The following CHM variants were observed in gnomAD, a reference collection of about 807,000 sequenced individuals.
CHM encodes CHM Rab escort protein, also known as rab proteins geranylgeranyltransferase component A 1.
Under a neutral mutation model 49.0 loss-of-function variants are expected in CHM, and 10 were observed. That is an observed-to-expected ratio of 0.20 (90% CI 0.13 to 0.35). The LOEUF is 0.35. CHM is among the 10% of genes least tolerant of loss of function. The pLI is 1.00. For missense variants in CHM, 455 were observed against 478.4 expected (o/e 0.95, Z 0.46); for synonymous variants, 184 against 167.5 (o/e 1.10, Z -0.76).
intron 11 of CHM, among the ~76,000 whole-genome samples, chrX:85,897,164 T>G (rs925501208): frequency 1.6e-3 from 152 of 92,727 alleles, no homozygotes; most frequent in African/African-American, 6.2e-3. Context: ...CATATATATC[T>G]AATATATATA....
chrX:85,868,250 T>C (rs901807878), intron 14 of CHM, among the ~76,000 whole-genome samples: 9 of 110,970 alleles, frequency 8.1e-5, no homozygotes, highest in African/African-American at 2.9e-4. Context: ...GGCTGGGGAG[T>C]GTAGAGCTGT....
intron 2 of CHM, among the ~76,000 whole-genome samples, chrX:86,012,705 A>G (rs1382352686): frequency 9.0e-6 from 1 of 110,594 alleles, no homozygotes; most frequent in African/African-American, 3.3e-5. Flanking sequence ...CTTTTTACCA[A>G]CCCAGAAGTT....
At chrX:85,932,694 TTTA>T (rs1928507421) in intron 8 of CHM, among the ~76,000 whole-genome samples, 1 of 112,069 alleles carries the variant, frequency 8.9e-6, no homozygotes, top group African/African-American at 3.2e-5. Context: ...AACAGCACTT[TTTA>T]TTTCTCCTTT....
Position 85,956,292 on chromosome X carries a change from T to C in CHM, c.1027A>G (p.Met343Val), listed in dbSNP as rs2147663243. The C allele has an allele frequency of 4.1e-6, 5 of 1,211,898 alleles. No individual in the cohort carries two copies. The East Asian group carries it at 8.9e-5, about 21-fold the overall frequency. The change falls in exon 8 of 15, where the codon ATG becomes GTG. Residue 343 changes from methionine (M) to valine (V), a missense_variant. By Grantham distance (21) the Met-to-Val change is conservative. Coordinates refer to ENST00000357749, the MANE Select transcript of CHM (RefSeq NM_000390.4). ...GTGCTGCTGGCTGTCTCTGATGTCA[T>C]TGCAATTGAATGCATGACAATATAT... is the stretch of plus-strand genomic sequence containing the variant. ...LQYIVMHSIA[M>V]TSETASSTID...
chrX:85,975,599 T>C (rs1931210163), intron 4 of CHM, among the ~76,000 whole-genome samples: 1 of 112,222 alleles, frequency 8.9e-6, no homozygotes, highest in Non-Finnish European at 1.9e-5. Context: ...ATTCTTAAAA[T>C]GACAAGATTA....
intron 13 of CHM, among the ~76,000 whole-genome samples, chrX:85,876,720 G>T (rs1924438828): frequency 9.0e-6 from 1 of 111,394 alleles, no homozygotes; most frequent in Non-Finnish European, 1.9e-5. Context: ...GTGCACCTGA[G>T]GACCCTTCTG....
intron 4 of CHM, among the ~76,000 whole-genome samples, chrX:85,973,574 A>G (rs757653020): frequency 1.8e-5 from 2 of 111,589 alleles, no homozygotes; most frequent in East Asian, 5.6e-4. Flanking sequence ...TGATACAAGC[A>G]AATACAGTAA....
chrX:85,965,337 C>T (rs1418367098), intron 4 of CHM, among the ~76,000 whole-genome samples: 2 of 112,152 alleles, frequency 1.8e-5, no homozygotes, highest in Admixed American at 1.9e-4. Flanking sequence ...TTATACCATG[C>T]TCCCATAATA....
At chrX:85,978,990 T>C in intron 3 of CHM, 99 bp from the exon 4 acceptor site, 1 of 918,173 alleles carries the variant, frequency 1.1e-6, no homozygotes, top group Non-Finnish European at 1.5e-6. Flanking sequence ...CATGCTTATT[T>C]CATCTTACCA....
At chrX:85,990,932 A>C (rs1932156806) in intron 2 of CHM, among the ~76,000 whole-genome samples, 1 of 112,167 alleles carries the variant, frequency 8.9e-6, no homozygotes, top group African/African-American at 3.2e-5. Flanking sequence ...TTCTGTAAGC[A>C]AGTCCAAGAA....
chrX:86,015,797 G>A (rs768388639), intron 2 of CHM, among the ~76,000 whole-genome samples: 23 of 112,249 alleles, frequency 2.0e-4, no homozygotes, highest in African/African-American at 7.4e-4. Flanking sequence ...ACATGATTTA[G>A]GGTATCTGGA....
intron 4 of CHM, among the ~76,000 whole-genome samples, chrX:85,977,518 G>C (rs5968762): frequency 0.17 from 19,179 of 111,726 alleles, 1,563 homozygotes; most frequent in Non-Finnish European, 0.25. Context: ...AAAGTAATCA[G>C]TGGCCTTGAA....
intron 2 of CHM, among the ~76,000 whole-genome samples, chrX:86,001,786 G>A (rs769117666): frequency 2.3e-4 from 25 of 109,610 alleles, no homozygotes; most frequent in Admixed American, 1.8e-3. Flanking sequence ...ACAAATATCC[G>A]AGCCACATCA....
At position 85,861,633 on chromosome X, in the gene CHM, C is replaced by G. The variant is rs1331517289; in HGVS notation, c.*2997G>C. ...CCTATAGAAAAATATATAAATTGAC[C>G]TTTTATATATACACAGGTATGTATA... On this transcript the variant is annotated 3_prime_UTR_variant, in exon 15 of 15. Transcript: ENST00000357749. The G allele has an allele frequency of 9.0e-6, 1 of 111,127 alleles. No homozygotes were observed. Among genetic ancestry groups the G allele is most frequent in the Non-Finnish European group, 1.9e-5 (1 of 52,935 alleles). 9.2% of individuals were successfully genotyped at this position (111,127 alleles called of 1,213,427 possible).
chrX:85,887,127 T>C (rs1925134078), intron 12 of CHM, among the ~76,000 whole-genome samples: 1 of 110,013 alleles, frequency 9.1e-6, no homozygotes, highest in African/African-American at 3.3e-5. Context: ...TGTCTAGTTT[T>C]GTACTGATAA....
intron 2 of CHM, among the ~76,000 whole-genome samples, chrX:85,988,893 A>G (rs187698962): frequency 1.2e-3 from 140 of 112,403 alleles, no homozygotes; most frequent in Non-Finnish European, 2.0e-3. Context: ...ATGAATAGGA[A>G]GAATCAAAAT....
At chrX:85,896,207 A>G (rs184696798) in intron 11 of CHM, among the ~76,000 whole-genome samples, 3 of 110,660 alleles carry the variant, frequency 2.7e-5, no homozygotes, top group African/African-American at 9.8e-5. Flanking sequence ...GGAACAAAGA[A>G]AGACAATCAG....
At chrX:85,947,075 G>A (rs1469672460) in intron 8 of CHM, among the ~76,000 whole-genome samples, 4 of 112,408 alleles carry the variant, frequency 3.6e-5, no homozygotes, top group Non-Finnish European at 5.6e-5. Flanking sequence ...AGAGGTGGAA[G>A]GAACTCATTT....
chrX:85,876,975 A>G (rs1192406554), intron 13 of CHM, among the ~76,000 whole-genome samples: 1 of 111,201 alleles, frequency 9.0e-6, no homozygotes, highest in African/African-American at 3.3e-5. Context: ...TGAAATTACA[A>G]TATAAGAATT....
Sources: allele counts gnomAD v4.1 joint callset (sites outside exome capture counted in the v4.1 genomes callset), GRCh38; gene constraint gnomAD v4.1.1; transcripts MANE v1.5; gene names NCBI Gene and HGNC (gene_info 2026-07-23, HGNC 2026-07-21).